The following BICDL1 variants were observed in gnomAD, a reference collection of about 807,000 sequenced individuals.
BICDL1 encodes the protein BICD family-like cargo adapter 1.
BICDL1 carries 20 observed loss-of-function variants against 76.8 expected under a neutral mutation model. That is an observed-to-expected ratio of 0.26 (90% confidence interval 0.18 to 0.38). The LOEUF (loss-of-function observed/expected upper bound fraction) is 0.38. Among genes scored for constraint, BICDL1 ranks in the 10% least tolerant of loss-of-function variants. BICDL1 has a pLI of 1.00. For synonymous variants in BICDL1, 383 were observed against 337.1 expected (o/e 1.14, Z -1.49); for missense variants, 700 against 798.6 (o/e 0.88, Z 1.49).
chr12:120,036,901 T>C (rs1261850489), intron 2 of BICDL1, among the ~76,000 whole-genome samples: 1 of 152,120 alleles, frequency 6.6e-6, no homozygotes, highest in Non-Finnish European at 1.5e-5. Context: ...CAGACAACTA[T>C]TGGTGAATCT....
At chr12:120,084,035 AC>A (rs1444958532) in intron 8 of BICDL1, among the ~76,000 whole-genome samples, 1 of 150,204 alleles carries the variant, frequency 6.7e-6, no homozygotes, top group African/African-American at 2.5e-5. Flanking sequence ...ACGGAGTCTC[AC>A]TCAGTCACCC....
At chr12:120,088,547 G>T (rs1874632618) in intron 8 of BICDL1, among the ~76,000 whole-genome samples, 1 of 151,452 alleles carries the variant, frequency 6.6e-6, no homozygotes, top group Admixed American at 6.6e-5. Context: ...AGCAGAGATG[G>T]GTTTTCGCCA....
intron 2 of BICDL1, among the ~76,000 whole-genome samples, chr12:120,021,502 G>T (rs1952178136): frequency 6.9e-6 from 1 of 145,416 alleles, no homozygotes; most frequent in Non-Finnish European, 1.5e-5. Flanking sequence ...CAGGAGAATC[G>T]CTTGAACCCA....
chr12:119,998,669 G>A lies in BICDL1; in HGVS notation c.578G>A (p.Arg193Gln), dbSNP rs766524053. The A allele has an allele frequency of 1.9e-6, 3 of 1,614,134 alleles. No individual in the cohort carries two copies. The highest frequency in any genetic ancestry group is 2.2e-5 in the South Asian group (2 of 91,074). ...RQQIHLREAD[R>Q]EKSRAVQELS... Reference sequence around the variant, plus strand: ...CAGATTCATCTGCGGGAAGCAGATCGAGAAAAATCACGGGCTGTCCAGGAA... The same window carrying A: ...CAGATTCATCTGCGGGAAGCAGATCAAGAAAAATCACGGGCTGTCCAGGAA... The change falls in exon 2 of 10, where the codon CGA (arginine) becomes CAA (glutamine). Residue 193 changes from arginine to glutamine, a missense_variant. Physicochemically the swap from Arg to Gln is conservative, Grantham distance 43. Around this residue, in one of 3 missense-constraint regions of BICDL1, gnomAD observed 455 missense variants for 548.7 expected, o/e 0.83. Transcript: ENST00000548673.
chr12:120,043,094 T>A (rs1379587948), intron 2 of BICDL1, among the ~76,000 whole-genome samples: 1 of 152,230 alleles, frequency 6.6e-6, no homozygotes, highest in Admixed American at 6.5e-5. Context: ...CTAGCTTCAG[T>A]TTCTTTATCG....
chr12:120,069,835 G>A (rs574502388), intron 4 of BICDL1, among the ~76,000 whole-genome samples: 40 of 152,198 alleles, frequency 2.6e-4, no homozygotes, highest in African/African-American at 7.2e-4. Context: ...AATACTTGCC[G>A]CTTCCTCAAA....
At chr12:120,087,956 T>A (rs1207063702) in intron 8 of BICDL1, among the ~76,000 whole-genome samples, 1 of 152,148 alleles carries the variant, frequency 6.6e-6, no homozygotes, top group African/African-American at 2.4e-5. Context: ...TGAGACAGAG[T>A]TTCGCTCTTG....
In BICDL1 at chr12:119,989,855, C is replaced by T; in HGVS notation, c.-14C>T. On this transcript the variant is annotated 5_prime_UTR_variant, in exon 1 of 10. Coordinates refer to ENST00000548673, the MANE Select transcript of BICDL1 (RefSeq NM_001367886.1). Reference sequence around the variant, plus strand: ...GGCCGGGCCGCACCGCTGCGGGCTCCGCGCGCGCGGGCCATGTCCGCTTTC... The same window carrying T: ...GGCCGGGCCGCACCGCTGCGGGCTCTGCGCGCGCGGGCCATGTCCGCTTTC... 1 of 1,327,104 alleles carries T rather than the reference C, an allele frequency of 7.5e-7. No homozygotes were observed. Among genetic ancestry groups the T allele is most frequent in the Non-Finnish European group, 9.5e-7 (1 of 1,048,196 alleles). 82.2% of individuals were successfully genotyped at this position (1,327,104 alleles called of 1,614,324 possible).
At chr12:119,999,413 A>C (rs559771134) in intron 2 of BICDL1, among the ~76,000 whole-genome samples, 4 of 152,372 alleles carry the variant, frequency 2.6e-5, no homozygotes, top group Admixed American at 2.6e-4. Context: ...TTCAAATATT[A>C]AAAGGTACTG....
At chr12:120,004,247 C>A (rs565262267) in intron 2 of BICDL1, among the ~76,000 whole-genome samples, 1 of 152,232 alleles carries the variant, frequency 6.6e-6, no homozygotes, top group African/African-American at 2.4e-5. Flanking sequence ...ATCCCTTTCC[C>A]CTCATCACAG....
intron 9 of BICDL1, chr12:120,091,967 A>G (rs1875012282): frequency 1.0e-6 from 1 of 985,218 alleles, no homozygotes; most frequent in Non-Finnish European, 1.2e-6. Flanking sequence ...AGGCTGACTC[A>G]CTCAGGGGTT....
At chr12:120,077,311 C>T (rs570110642) in intron 7 of BICDL1, among the ~76,000 whole-genome samples, 3 of 152,308 alleles carry the variant, frequency 2.0e-5, no homozygotes, top group African/African-American at 7.2e-5. Context: ...GGAACAAAGT[C>T]CTTCCTGTGG....
intron 2 of BICDL1, chr12:120,057,277 C>T (rs1257049806): frequency 1.4e-5 from 5 of 361,528 alleles, no homozygotes; most frequent in African/African-American, 4.3e-5. Context: ...GGCCTCCCAA[C>T]GTGCTGGGAT....
chr12:120,008,309 C>G (rs1435457288), intron 2 of BICDL1, among the ~76,000 whole-genome samples: 1 of 151,988 alleles, frequency 6.6e-6, no homozygotes, highest in Non-Finnish European at 1.5e-5. Context: ...CAGCTGTAAG[C>G]CACCATTCTT....
intron 2 of BICDL1, among the ~76,000 whole-genome samples, chr12:120,052,720 C>T (rs955650443): frequency 3.0e-4 from 45 of 152,324 alleles, no homozygotes; most frequent in African/African-American, 9.4e-4. Flanking sequence ...TTTTAGCATT[C>T]GTTCTCTGGT....
intron 1 of BICDL1, 137 bp downstream of exon 1, chr12:119,990,434 G>GGGAGGAT: frequency 6.9e-7 from 1 of 1,448,564 alleles, no homozygotes. Context: ...GAATGGGGGA[G>GGGAGGAT]GGAGGATGGA....
intron 8 of BICDL1, among the ~76,000 whole-genome samples, chr12:120,089,445 G>A (rs1874767570): frequency 6.6e-6 from 1 of 152,074 alleles, no homozygotes; most frequent in African/African-American, 2.4e-5. Flanking sequence ...GAGTGCAATG[G>A]TGCAATCTCG....
intron 2 of BICDL1, among the ~76,000 whole-genome samples, chr12:120,003,866 TC>T (rs1951805409): frequency 6.6e-6 from 1 of 152,228 alleles, no homozygotes; most frequent in African/African-American, 2.4e-5. Flanking sequence ...CAAAAAATTC[TC>T]GTCTCATGGG....
Position 119,989,609 on chromosome 12 carries a change from A to G in BICDL1, c.-260A>G, listed in dbSNP as rs1050239503. On this transcript the variant is annotated 5_prime_UTR_variant, in exon 1 of 10. Transcript: ENST00000548673. ...CCCAGCCTTCCCGTTCCCACCACCTACTCCGCCACTACCCCCACCCCCTCC... is the reference window on the plus strand; with the variant it reads ...CCCAGCCTTCCCGTTCCCACCACCTGCTCCGCCACTACCCCCACCCCCTCC... 7.0e-6 allele frequency among the ~76,000 whole-genome samples: 1 copy of G among 142,762 alleles called. No individual in the cohort carries two copies. The highest frequency in any genetic ancestry group is 2.6e-5 in the African/African-American group (1 of 38,640). The allele number at this position is 142,762 out of a possible 152,430, so 93.7% of individuals were successfully genotyped here. A position where few individuals can be genotyped will look rare whatever the true frequency, so the allele number is the denominator to read the frequency against.
Sources: gnomAD v4.1 joint callset for allele counts (sites outside exome capture counted in the v4.1 genomes callset) on GRCh38, gnomAD v4.1.1 for gene constraint, gnomAD v4.1.1 regional missense constraint, MANE v1.5 for transcripts, NCBI Gene and HGNC (gene_info 2026-07-23, HGNC 2026-07-21) for gene names.